The following GABRB1 variants were observed in gnomAD, a reference collection of about 807,000 sequenced individuals.
The protein encoded by GABRB1 is gamma-aminobutyric acid receptor subunit beta-1.
GABRB1 carries 17 observed loss-of-function variants against 51.6 expected under a neutral mutation model. That is an observed-to-expected ratio of 0.33 (90% CI 0.23 to 0.49). The LOEUF (loss-of-function observed/expected upper bound fraction) is 0.49, where lower values mean the gene tolerates loss of function less well. Ranked by LOEUF, GABRB1 falls within the 20% of genes least tolerant of loss-of-function variation. The probability of loss-of-function intolerance (pLI) is 0.99; values close to 1 mark genes in which losing one functional copy is unlikely to be tolerated. For synonymous variants in GABRB1, 247 were observed against 218.9 expected (o/e 1.13, Z -1.14); for missense variants, 410 against 600.6 (o/e 0.68, Z 3.32).
rs115185686 is a variant in GABRB1, at chr4:47,109,464, C to T, written c.241-51785C>T. On this transcript the variant is annotated intron_variant, in intron 3 of 8. Transcript: ENST00000295454. ...TATACGAAATCCACAAATGCCTAAA[C>T]TTCATGCAGAATGGTAGGGATTGGA... Among the ~76,000 whole-genome samples, 864 of 152,142 alleles carry T rather than the reference C, an allele frequency of 5.7e-3. 3 individuals are homozygous for T. The highest frequency in any genetic ancestry group is 9.6e-3 in the Non-Finnish European group (655 of 67,968).
intron 5 of GABRB1, among the ~76,000 whole-genome samples, chr4:47,369,434 TACAC>T (rs34999907): frequency 0.14 from 20,240 of 149,732 alleles, 1,528 homozygotes; most frequent in African/African-American, 0.21. Context: ...TCTTTCTATT[TACAC>T]ACACACACAC....
chr4:47,068,869 T>C (rs1193583546), intron 3 of GABRB1, among the ~76,000 whole-genome samples: 1 of 152,182 alleles, frequency 6.6e-6, no homozygotes, highest in Non-Finnish European at 1.5e-5. Context: ...GCTACAAACC[T>C]TCAATTTGTA....
intron 4 of GABRB1, among the ~76,000 whole-genome samples, chr4:47,263,789 CAAAT>C (rs1722544574): frequency 6.6e-6 from 1 of 152,044 alleles, no homozygotes; most frequent in Non-Finnish European, 1.5e-5. Flanking sequence ...TGTATCTATA[CAAAT>C]AGATAGTGGT....
intron 4 of GABRB1, among the ~76,000 whole-genome samples, chr4:47,165,325 T>G (rs942707571): frequency 6.6e-6 from 1 of 152,014 alleles, no homozygotes; most frequent in Non-Finnish European, 1.5e-5. Context: ...CTCCAGCCCT[T>G]CCTCTCTGTT....
intron 4 of GABRB1, among the ~76,000 whole-genome samples, chr4:47,309,949 G>A (rs1050937153): frequency 2.6e-5 from 4 of 152,134 alleles, no homozygotes; most frequent in Non-Finnish European, 5.9e-5. Flanking sequence ...AGTGCCTACT[G>A]TGTATCAAGC....
chr4:47,419,119 G>A (rs190354754), intron 8 of GABRB1, among the ~76,000 whole-genome samples: 9 of 151,998 alleles, frequency 5.9e-5, no homozygotes, highest in Non-Finnish European at 4.4e-5. Flanking sequence ...CCATAACAAC[G>A]TAAACACCAG....
At chr4:47,338,948 A>G (rs951924878) in intron 5 of GABRB1, among the ~76,000 whole-genome samples, 3 of 152,188 alleles carry the variant, frequency 2.0e-5, no homozygotes, top group Non-Finnish European at 4.4e-5. Context: ...TTAGCAGTTC[A>G]GTTCCTAACT....
intron 4 of GABRB1, among the ~76,000 whole-genome samples, chr4:47,186,287 G>T (rs1719180633): frequency 6.6e-6 from 1 of 151,736 alleles, no homozygotes; most frequent in African/African-American, 2.4e-5. Context: ...AGATTCAGTT[G>T]TCTGTCAGAA....
At chr4:47,360,212 T>C (rs1726751507) in intron 5 of GABRB1, among the ~76,000 whole-genome samples, 1 of 152,064 alleles carries the variant, frequency 6.6e-6, no homozygotes, top group South Asian at 2.1e-4. Flanking sequence ...ACATCTGTGA[T>C]ATGGGATAAG....
intron 3 of GABRB1, among the ~76,000 whole-genome samples, chr4:47,114,855 A>C (rs1241061142): frequency 6.6e-6 from 1 of 152,194 alleles, no homozygotes; most frequent in Non-Finnish European, 1.5e-5. Context: ...CTACTATCTA[A>C]GCGCTGTGTC....
At chr4:47,028,390 A>T (rs1725168931), upstream of GABRB1, among the ~76,000 whole-genome samples, 1 of 151,626 alleles carries the variant, frequency 6.6e-6, no homozygotes, top group African/African-American at 2.4e-5. Context: ...CAGTCACCCT[A>T]CTCTGCTATC....
At chr4:47,150,733 G>A (rs1396801956) in intron 3 of GABRB1, among the ~76,000 whole-genome samples, 1 of 151,862 alleles carries the variant, frequency 6.6e-6, no homozygotes, top group Non-Finnish European at 1.5e-5. Context: ...GAGAAAGGAA[G>A]TAGGATAGAG....
At chr4:47,022,928 T>C (rs1303280408) in intron 1 of GABRB1, among the ~76,000 whole-genome samples, 2 of 151,714 alleles carry the variant, frequency 1.3e-5, no homozygotes, top group African/African-American at 4.8e-5. Context: ...AACCTAAGAG[T>C]CCATGAACAG....
chr4:47,266,362 C>T (rs1201830127), intron 4 of GABRB1, among the ~76,000 whole-genome samples: 5 of 152,082 alleles, frequency 3.3e-5, no homozygotes, highest in African/African-American at 9.7e-5. Context: ...AATGTGATGC[C>T]TCCAGCTTTG....
chr4:47,192,188 A>G (rs1276369994), intron 4 of GABRB1, among the ~76,000 whole-genome samples: 1 of 152,060 alleles, frequency 6.6e-6, no homozygotes, highest in Non-Finnish European at 1.5e-5. Context: ...CTAGATCCCT[A>G]TGTCTTTAAC....
chr4:47,095,070 TA>T (rs1714340854), intron 3 of GABRB1, among the ~76,000 whole-genome samples: 1 of 151,996 alleles, frequency 6.6e-6, no homozygotes, highest in Non-Finnish European at 1.5e-5. Context: ...GAAGATTTGG[TA>T]AGGAATAGGA....
intron 3 of GABRB1, among the ~76,000 whole-genome samples, chr4:47,035,539 T>A (rs568180096): frequency 6.6e-6 from 1 of 152,306 alleles, no homozygotes; most frequent in African/African-American, 2.4e-5. Context: ...AACTACATAC[T>A]GTTACCATTT....
At chr4:46,994,924 G>A (rs984839525) in intron 1 of GABRB1, among the ~76,000 whole-genome samples, 1 of 152,146 alleles carries the variant, frequency 6.6e-6, no homozygotes, top group Non-Finnish European at 1.5e-5. Flanking sequence ...TGTTTTAAAC[G>A]TCTGGATTCA....
chr4:47,300,918 G>A (rs1229021357), intron 4 of GABRB1, among the ~76,000 whole-genome samples: 1 of 152,130 alleles, frequency 6.6e-6, no homozygotes, highest in African/African-American at 2.4e-5. Flanking sequence ...CAGTCTCTCT[G>A]TTATCTGTCA....
Sources: allele counts gnomAD v4.1 joint callset (sites outside exome capture counted in the v4.1 genomes callset), GRCh38; gene constraint gnomAD v4.1.1; transcripts MANE v1.5; gene names NCBI Gene and HGNC (gene_info 2026-07-23, HGNC 2026-07-21).